CYB5R4: variants seen among roughly 807,000 people sequenced by gnomAD.
The protein encoded by CYB5R4 is cytochrome b5 reductase 4, also known as N-terminal cytochrome b5 and cytochrome b5 oxidoreductase domain-containing protein.
Under a neutral mutation model 70.2 loss-of-function variants are expected in CYB5R4, and 55 were observed. The ratio of observed to expected loss-of-function variants is 0.78; its 90% confidence interval spans 0.63 to 0.98. The LOEUF (loss-of-function observed/expected upper bound fraction) is 0.98. Ranked by LOEUF, CYB5R4 falls within the 50% of genes least tolerant of loss-of-function variation. The pLI is 0.00. For missense variants in CYB5R4, 562 were observed against 612.6 expected (o/e 0.92, Z 0.87); for synonymous variants, 197 against 199.5 (o/e 0.99, Z 0.11).
At chr6:83,889,166 T>A (rs1486680690) in intron 2 of CYB5R4, among the ~76,000 whole-genome samples, 1 of 152,256 alleles carries the variant, frequency 6.6e-6, no homozygotes, top group Non-Finnish European at 1.5e-5. Context: ...AATGCTGATG[T>A]AGAAGCTGCA....
chr6:83,920,197 G>A (rs2099466157), intron 7 of CYB5R4, among the ~76,000 whole-genome samples: 2 of 152,178 alleles, frequency 1.3e-5, no homozygotes, highest in Admixed American at 6.5e-5. Flanking sequence ...CACACTTTGA[G>A]GGATATGTAG....
At chr6:83,917,725 G>A (rs747716107) in intron 5 of CYB5R4, among the ~76,000 whole-genome samples, 23 of 152,048 alleles carry the variant, frequency 1.5e-4, no homozygotes, top group Non-Finnish European at 2.6e-4. Context: ...TCAAACACAG[G>A]CAAATACTAA....
At chr6:83,873,363 C>T (rs1000679802) in intron 2 of CYB5R4, among the ~76,000 whole-genome samples, 4 of 151,338 alleles carry the variant, frequency 2.6e-5, no homozygotes, top group African/African-American at 9.7e-5. Context: ...CCTCAGCCTC[C>T]CAAGTAGCTG....
At chr6:83,873,997 G>T (rs942665936) in intron 2 of CYB5R4, among the ~76,000 whole-genome samples, 5 of 152,086 alleles carry the variant, frequency 3.3e-5, no homozygotes, top group African/African-American at 1.2e-4. Context: ...TTATGTACAT[G>T]GGCAGGTGTT....
chr6:83,862,816 A>G (rs543803586), intron 1 of CYB5R4, among the ~76,000 whole-genome samples: 1 of 152,268 alleles, frequency 6.6e-6, no homozygotes, highest in Admixed American at 6.5e-5. Context: ...GGGAAAGGTC[A>G]TTTTCTCACA....
intron 4 of CYB5R4, among the ~76,000 whole-genome samples, chr6:83,913,893 G>C (rs1217432669): frequency 6.6e-6 from 1 of 152,002 alleles, no homozygotes; most frequent in Non-Finnish European, 1.5e-5. Context: ...TTTTTCCTGG[G>C]TTTGTAACAC....
intron 10 of CYB5R4, among the ~76,000 whole-genome samples, chr6:83,925,531 T>C (rs2099467137): frequency 6.6e-6 from 1 of 152,222 alleles, no homozygotes; most frequent in African/African-American, 2.4e-5. Context: ...TTAGAAGTGC[T>C]CTACTTGATG....
rs981160860 is a variant in CYB5R4, at chr6:83,867,721, C to T, written c.229+3393C>T. Among the ~76,000 whole-genome samples the T allele has an allele frequency of 7.9e-5, 12 of 152,234 alleles. No homozygotes were observed. The South Asian group carries it at 1.2e-3, about 16-fold the overall frequency. ...GGCTGTGCTTTAGTCAGGAGTAGGCCGAGGTGGCCTGTATGCACAGCATGA... is the reference window on the plus strand; with the variant it reads ...GGCTGTGCTTTAGTCAGGAGTAGGCTGAGGTGGCCTGTATGCACAGCATGA... On this transcript the variant is annotated intron_variant, in intron 2 of 15. Transcript: ENST00000369681.
chr6:83,868,027 A>G (rs2129128156), intron 2 of CYB5R4, among the ~76,000 whole-genome samples: 1 of 152,276 alleles, frequency 6.6e-6, no homozygotes, highest in South Asian at 2.1e-4. Flanking sequence ...CTTTTTCTTC[A>G]CAGCTGTTCT....
chr6:83,932,157 A>G (rs2099468254), intron 10 of CYB5R4, among the ~76,000 whole-genome samples: 1 of 152,144 alleles, frequency 6.6e-6, no homozygotes, highest in African/African-American at 2.4e-5. Context: ...CCTTGATGCA[A>G]TTGAAAGATG....
chr6:83,889,310 T>C (rs2099460745), intron 2 of CYB5R4, among the ~76,000 whole-genome samples: 1 of 152,214 alleles, frequency 6.6e-6, no homozygotes, highest in South Asian at 2.1e-4. Context: ...AGAGAGGGGA[T>C]GCCTGGCTTC....
chr6:83,874,519 C>CT (rs71549572), intron 2 of CYB5R4, among the ~76,000 whole-genome samples: 6,467 of 145,122 alleles, frequency 0.045, 139 homozygotes, highest in African/African-American at 0.051. Context: ...TTTCTCAGAC[C>CT]TTTTTTTTTT....
intron 4 of CYB5R4, among the ~76,000 whole-genome samples, chr6:83,910,733 A>T (rs1219260356): frequency 6.6e-6 from 1 of 152,188 alleles, no homozygotes; most frequent in Non-Finnish European, 1.5e-5. Flanking sequence ...ATGGAAAATA[A>T]CTGACAAATT....
At chr6:83,937,200 G>A (rs185321524) in intron 12 of CYB5R4, among the ~76,000 whole-genome samples, 304 of 152,124 alleles carry the variant, frequency 2.0e-3, no homozygotes, top group African/African-American at 6.9e-3. Context: ...GCTTAAACCC[G>A]GGAGGCGGAG....
intron 2 of CYB5R4, among the ~76,000 whole-genome samples, chr6:83,878,504 C>T (rs61761499): frequency 0.013 from 1,904 of 152,228 alleles, 43 homozygotes; most frequent in African/African-American, 0.043. Context: ...CACGCCACCA[C>T]GCCTGGCCAA....
intron 12 of CYB5R4, among the ~76,000 whole-genome samples, 164 bp from the exon 13 acceptor site, chr6:83,939,892 A>T (rs922808119): frequency 2.0e-5 from 3 of 152,194 alleles, no homozygotes; most frequent in Admixed American, 2.0e-4. Context: ...AAGACTACTT[A>T]CATATCTTAA....
At chr6:83,929,659 GAGAA>G (rs1215276602) in intron 10 of CYB5R4, 1 of 152,038 alleles carries the variant, frequency 6.6e-6, no homozygotes, top group Non-Finnish European at 1.5e-5. Flanking sequence ...GAAAGCTATA[GAGAA>G]AGAGATGGCT....
intron 1 of CYB5R4, 139 bp from the exon 2 acceptor site, chr6:83,864,036 A>G: frequency 1.3e-6 from 1 of 753,034 alleles, no homozygotes; most frequent in Non-Finnish European, 2.0e-6. Flanking sequence ...TTATAATTCA[A>G]ATACAGCATA....
chr6:83,949,053 T>G (rs2099471117), intron 14 of CYB5R4, among the ~76,000 whole-genome samples: 1 of 151,992 alleles, frequency 6.6e-6, no homozygotes, highest in Non-Finnish European at 1.5e-5. Flanking sequence ...TGTCCTTGCT[T>G]GAGGCACTGA....
Sources: gnomAD v4.1 joint callset for allele counts (sites outside exome capture counted in the v4.1 genomes callset) on GRCh38, gnomAD v4.1.1 for gene constraint, MANE v1.5 for transcripts, NCBI Gene and HGNC (gene_info 2026-07-23, HGNC 2026-07-21) for gene names.